CDC42BPB: variants seen among roughly 807,000 people sequenced by gnomAD.
CDC42BPB encodes the protein serine/threonine-protein kinase MRCK beta.
Under a neutral mutation model 214.9 loss-of-function variants are expected in CDC42BPB, and 37 were observed. The ratio of observed to expected loss-of-function variants is 0.17; its 90% confidence interval spans 0.13 to 0.23. The LOEUF (loss-of-function observed/expected upper bound fraction) is 0.23. Ranked by LOEUF, CDC42BPB falls within the 10% of genes least tolerant of loss-of-function variation. The pLI, the probability that CDC42BPB is intolerant of heterozygous loss-of-function variation, is 1.00. For missense variants in CDC42BPB, 1,694 were observed against 2,227.0 expected (o/e 0.76, Z 4.82); for synonymous variants, 931 against 884.0 (o/e 1.05, Z -0.94).
chr14:103,057,026 T>C lies in CDC42BPB; in HGVS notation c.148A>G (p.Lys50Glu). The C allele has an allele frequency of 6.7e-7, 1 of 1,498,304 alleles. No homozygotes were observed. The highest frequency in any genetic ancestry group is 8.9e-7 in the Non-Finnish European group (1 of 1,127,324). 92.8% of individuals were successfully genotyped at this position (1,498,304 alleles called of 1,614,324 possible). A position where few individuals can be genotyped will look rare whatever the true frequency, so the allele number is the denominator to read the frequency against. The change falls in exon 1 of 37, where the codon AAG becomes GAG. Residue 50 changes from lysine to glutamate, a missense_variant. By Grantham distance (56) the Lys-to-Glu change is moderately conservative (BLOSUM62 1). This residue lies in a region of CDC42BPB where 83 missense variants were observed against 79.9 expected (regional missense o/e 1.04). Transcript: ENST00000361246. ...ECSHSALRRD[K>E]YVAEFLEWAK... ...CACTCGAGGAACTCGGCCACGTACT[T>C]GTCGCGGCGCAGGGCCGAGTGGCTG...
At chr14:103,021,184 C>T (rs776825968) in intron 1 of CDC42BPB, among the ~76,000 whole-genome samples, 9 of 152,266 alleles carry the variant, frequency 5.9e-5, no homozygotes, top group African/African-American at 1.7e-4. Context: ...GATGTGGCCG[C>T]GTGCAGTGGC....
chr14:102,944,353 C>T lies in CDC42BPB; in HGVS notation c.3946G>A (p.Gly1316Ser). The T allele has an allele frequency of 6.2e-7, 1 of 1,613,238 alleles. No individual in the cohort carries two copies. ...YPWSSLDGAE[G>S]SFDIKLPETK... Reference sequence around the variant, plus strand: ...TCCGGAAGCTTGATGTCAAAGCTGCCTTCCGCTCCATCAAGGGACGACCAC... The same window carrying T: ...TCCGGAAGCTTGATGTCAAAGCTGCTTTCCGCTCCATCAAGGGACGACCAC... Residue 1316 changes from glycine (G) to serine (S), a missense_variant, in exon 30 of 37, where the codon GGC (glycine) becomes AGC (serine). This residue lies in a region of CDC42BPB where 567 missense variants were observed against 790.3 expected (regional missense o/e 0.72). Coordinates refer to ENST00000361246, the MANE Select transcript of CDC42BPB (RefSeq NM_006035.4). This position sits in a 1 kb window ranked among gnomAD's most constrained non-coding sequence, Gnocchi z 6.6.
chr14:102,970,898 A>C (rs1206981994), intron 13 of CDC42BPB, among the ~76,000 whole-genome samples: 1 of 152,250 alleles, frequency 6.6e-6, no homozygotes, highest in African/African-American at 2.4e-5. Context: ...CTTGAAAGGA[A>C]CAGGAGCATG....
chr14:103,003,295 C>T (rs769244747), intron 4 of CDC42BPB, among the ~76,000 whole-genome samples: 8 of 152,328 alleles, frequency 5.3e-5, no homozygotes, highest in South Asian at 2.1e-4. Context: ...GGTCACTCAG[C>T]GGCCAAGACC....
intron 5 of CDC42BPB, among the ~76,000 whole-genome samples, chr14:102,990,797 G>C (rs1185097861): frequency 3.3e-5 from 5 of 152,192 alleles, no homozygotes; most frequent in African/African-American, 1.2e-4. Context: ...GCAAACACAG[G>C]AGTCGGCTAG....
chr14:103,025,256 G>T (rs199502036), intron 1 of CDC42BPB, among the ~76,000 whole-genome samples: 34 of 151,998 alleles, frequency 2.2e-4, no homozygotes, highest in Non-Finnish European at 2.8e-4. Context: ...CACACTGTCC[G>T]ATGTGCCACC....
chr14:102,946,156 C>G (rs1036160166), intron 28 of CDC42BPB, among the ~76,000 whole-genome samples: 9 of 152,072 alleles, frequency 5.9e-5, no homozygotes, highest in Non-Finnish European at 7.4e-5. Flanking sequence ...CTACAGGTGC[C>G]CGCCACCACG....
chr14:103,056,250 G>A (rs1189599696), intron 1 of CDC42BPB, among the ~76,000 whole-genome samples: 2 of 151,896 alleles, frequency 1.3e-5, no homozygotes, highest in South Asian at 2.1e-4. Flanking sequence ...ATATCACAAA[G>A]GTCTAGCAGA....
At chr14:103,039,682 C>T (rs920712296) in intron 1 of CDC42BPB, among the ~76,000 whole-genome samples, 21 of 152,270 alleles carry the variant, frequency 1.4e-4, no homozygotes, top group African/African-American at 4.8e-4. Context: ...GTGAAGGCTA[C>T]ACGCTTTCTC....
At chr14:102,998,542 C>CTT (rs1193388663) in intron 5 of CDC42BPB, among the ~76,000 whole-genome samples, 1 of 152,214 alleles carries the variant, frequency 6.6e-6, no homozygotes, top group Non-Finnish European at 1.5e-5. Flanking sequence ...AGGACTGAAT[C>CTT]TTTGAGTCTC....
chr14:102,975,379 C>T (rs35653061), intron 11 of CDC42BPB, among the ~76,000 whole-genome samples: 5,295 of 152,140 alleles, frequency 0.035, 308 homozygotes, highest in African/African-American at 0.12. Context: ...CAAAATTAGC[C>T]GGGTGTGGTG....
In CDC42BPB at chr14:103,021,875, C is replaced by T. The variant is rs568694468; in HGVS notation, c.176-9687G>A. On this transcript the variant is annotated intron_variant, in intron 1 of 36. Transcript: ENST00000361246. ...ATCCTGGCTGTTCCTGAAAGTGAGA[C>T]GAGCGGATTTCCTGCTGGATGGGGC... 1.4e-3 allele frequency among the ~76,000 whole-genome samples: 218 copies of T among 152,160 alleles called. 2 individuals carry two copies. Among genetic ancestry groups the T allele is most frequent in the Non-Finnish European group, 2.2e-3 (148 of 68,002 alleles).
intron 21 of CDC42BPB, among the ~76,000 whole-genome samples, chr14:102,958,841 G>C (rs947623467): frequency 5.3e-5 from 8 of 151,822 alleles, no homozygotes; most frequent in African/African-American, 1.5e-4. Flanking sequence ...CTCTAGTGTG[G>C]GATTTTTTTT....
At chr14:102,962,746 G>A (rs1893017288) in intron 20 of CDC42BPB, among the ~76,000 whole-genome samples, 1 of 152,168 alleles carries the variant, frequency 6.6e-6, no homozygotes, top group African/African-American at 2.4e-5. Context: ...CCAGCTACTT[G>A]CGAGGCTGAG....
rs1448308289 is a variant in CDC42BPB, at chr14:102,943,252, G to A, written c.4408+639C>T. Among the ~76,000 whole-genome samples, 1 of 152,180 alleles carries A rather than the reference G, an allele frequency of 6.6e-6. No homozygotes were observed. The highest frequency in any genetic ancestry group is 1.9e-4 in the East Asian group (1 of 5,196). ...GTCTCGCACAGTGCTGGGATTACAGGTGTGAGCCACCGCTCTCCACCCGGT... is the reference window on the plus strand; with the variant it reads ...GTCTCGCACAGTGCTGGGATTACAGATGTGAGCCACCGCTCTCCACCCGGT... On this transcript the variant is annotated intron_variant, in intron 30 of 36. Coordinates refer to ENST00000361246, the MANE Select transcript of CDC42BPB (RefSeq NM_006035.4). The surrounding 1 kb of genome is among the most constrained non-coding windows in gnomAD (Gnocchi z 4.6).
At chr14:102,945,165 A>G in intron 29 of CDC42BPB, 1 of 450,400 alleles carries the variant, frequency 2.2e-6, no homozygotes, top group South Asian at 1.6e-5. Context: ...GGAAAGGACT[A>G]TGGCTCACAT....
intron 20 of CDC42BPB, among the ~76,000 whole-genome samples, chr14:102,960,532 G>A (rs1892911794): frequency 7.2e-5 from 11 of 152,156 alleles, no homozygotes. Flanking sequence ...AGAGACAGGA[G>A]GATCACTTGA....
chr14:102,946,166 G>A (rs894159129), intron 28 of CDC42BPB, among the ~76,000 whole-genome samples: 1 of 151,972 alleles, frequency 6.6e-6, no homozygotes, highest in Non-Finnish European at 1.5e-5. Flanking sequence ...CCGCCACCAC[G>A]CCCAGCTATA....
intron 20 of CDC42BPB, among the ~76,000 whole-genome samples, chr14:102,962,458 G>A (rs1054324061): frequency 7.2e-5 from 11 of 152,274 alleles, no homozygotes; most frequent in South Asian, 2.1e-4. Context: ...AGAGGAGGCC[G>A]GGGTGGCCCC....
Sources: allele counts gnomAD v4.1 joint callset (sites outside exome capture counted in the v4.1 genomes callset), GRCh38; gene constraint gnomAD v4.1.1; regional missense constraint gnomAD v4.1.1; non-coding constraint Gnocchi (gnomAD v3.1); transcripts MANE v1.5; gene names NCBI Gene and HGNC (gene_info 2026-07-23, HGNC 2026-07-21).